Variants in CYGB observed in about 807,000 individuals in gnomAD.
CYGB encodes histoglobin.
CYGB carries 13 observed loss-of-function variants against 20.7 expected under a neutral mutation model. The observed-to-expected ratio is 0.63, with a 90% confidence interval of 0.41 to 1.00. CYGB has a LOEUF of 1.00. Among genes scored for constraint, CYGB ranks in the 50% least tolerant of loss-of-function variants. The pLI, the probability that CYGB is intolerant of heterozygous loss-of-function variation, is 0.00. For missense variants in CYGB, 218 were observed against 257.2 expected (o/e 0.85, Z 1.04); for synonymous variants, 93 against 107.4 (o/e 0.87, Z 0.83).
chr17:76,550,443 G>A (rs1161400020), intron 1 of CYGB: 1 of 151,690 alleles, frequency 6.6e-6, no homozygotes, highest in Non-Finnish European at 1.5e-5. Context: ...TGTATTTTTA[G>A]TAGAGACGGG....
chr17:76,539,547 C>G (rs1479816920), upstream of CYGB, among the ~76,000 whole-genome samples: 2 of 152,170 alleles, frequency 1.3e-5, no homozygotes, highest in African/African-American at 2.4e-5. Context: ...CTTCATTATC[C>G]AATATTCCTC....
rs1194923025 is a variant in CYGB, at chr17:76,528,711, T to A, written c.540-100A>T. 1 of 1,144,910 alleles carries A rather than the reference T, an allele frequency of 8.7e-7. No individual in the cohort carries two copies. Among genetic ancestry groups the A allele is most frequent in the Non-Finnish European group, 1.1e-6 (1 of 894,738 alleles). 70.9% of individuals were successfully genotyped at this position (1,144,910 alleles called of 1,614,324 possible). On this transcript the variant is annotated intron_variant, in intron 3 of 3. Transcript: ENST00000293230. This position sits in a 1 kb window ranked among gnomAD's most constrained non-coding sequence, Gnocchi z 5.8. Reference sequence around the variant, plus strand: ...CCTGGGGCTGGCGAGGCTCACTTCCTGCCAAGAGATCCGGCACAGTGCAGT... The same window carrying A: ...CCTGGGGCTGGCGAGGCTCACTTCCAGCCAAGAGATCCGGCACAGTGCAGT...
In CYGB at chr17:76,531,264, T is replaced by C; in HGVS notation, c.376-122A>G. On this transcript the variant is annotated intron_variant, in intron 2 of 3. Coordinates refer to ENST00000293230, the MANE Select transcript of CYGB (RefSeq NM_134268.5). This position sits in a 1 kb window ranked among gnomAD's most constrained non-coding sequence, Gnocchi z 7.4. ...TCCTAACGCAACAGTCTGGCAGCTT[T>C]GGGAACCCCGTGCTCTCAGGACAAG... The C allele has an allele frequency of 7.9e-7, 1 of 1,267,832 alleles. No homozygotes were observed. Among genetic ancestry groups the C allele is most frequent in the Non-Finnish European group, 1.1e-6 (1 of 917,178 alleles). 78.5% of individuals were successfully genotyped at this position (1,267,832 alleles called of 1,614,324 possible). A position where few individuals can be genotyped will look rare whatever the true frequency, so the allele number is the denominator to read the frequency against.
chr17:76,527,552 CG>C lies in CYGB; in HGVS notation c.*1025del, dbSNP rs138865901. ...GACACACGTGACCAAGGGGCACACA[CG>C]GGGGGCCCCCCTGGCAAGCCTGACG... On this transcript the variant is annotated 3_prime_UTR_variant, in exon 4 of 4. Transcript: ENST00000293230. 2.8e-3 allele frequency: 1,253 copies of C among 443,982 alleles called. 9 individuals carry two copies. The highest frequency in any genetic ancestry group is 0.02 in the African/African-American group (1,009 of 49,790). The allele number at this position is 443,982 out of a possible 1,614,324, so 27.5% of individuals were successfully genotyped here. A position where few individuals can be genotyped will look rare whatever the true frequency, so the allele number is the denominator to read the frequency against.
upstream of CYGB, chr17:76,542,427 C>A: frequency 9.1e-7 from 1 of 1,095,236 alleles, no homozygotes; most frequent in Non-Finnish European, 1.4e-6. Flanking sequence ...CAACTGATTC[C>A]TTAGGTGGTC....
chr17:76,539,110 G>T (rs1054297318), upstream of CYGB, among the ~76,000 whole-genome samples: 2 of 152,074 alleles, frequency 1.3e-5, no homozygotes. Flanking sequence ...AATGCCTCCT[G>T]GGGGTCTTGG....
chr17:76,531,408 A>T lies in CYGB; in HGVS notation c.375+52T>A. 6.4e-7 allele frequency: 1 copy of T among 1,570,780 alleles called. No homozygotes were observed. Among genetic ancestry groups the T allele is most frequent in the Non-Finnish European group, 8.7e-7 (1 of 1,147,928 alleles). The stretch of plus-strand genomic sequence containing the variant: ...CCGTCGCAGAGCCTGCGAGCTGCAG[A>T]TGGCCATGACGCGTGGGCGGTGGGG... On this transcript the variant is annotated intron_variant, in intron 2 of 3. Coordinates refer to ENST00000293230, the MANE Select transcript of CYGB (RefSeq NM_134268.5). The surrounding 1 kb of genome is among the most constrained non-coding windows in gnomAD (Gnocchi z 7.4).
Position 76,530,569 on chromosome 17 carries a change from A to G in CYGB, c.539+410T>C, listed in dbSNP as rs921003827. 6.6e-6 allele frequency among the ~76,000 whole-genome samples: 1 copy of G among 152,090 alleles called. No individual in the cohort carries two copies. The highest frequency in any genetic ancestry group is 1.5e-5 in the Non-Finnish European group (1 of 68,010). ...AGCAGCACTGGTCGGCATGAGATGA[A>G]AAAACAGCCCCTTGTGATTGGCACC... On this transcript the variant is annotated intron_variant, in intron 3 of 3. Coordinates refer to ENST00000293230, the MANE Select transcript of CYGB (RefSeq NM_134268.5). The surrounding 1 kb of genome is among the most constrained non-coding windows in gnomAD (Gnocchi z 6.1).
chr17:76,540,685 C>T (rs2074982112), upstream of CYGB: 3 of 1,070,436 alleles, frequency 2.8e-6, no homozygotes, highest in Admixed American at 1.9e-5. This position sits in a 1 kb window ranked among gnomAD's most constrained non-coding sequence, Gnocchi z 5.0. Context: ...GCACCGTATC[C>T]TGGCCCTTGC....
chr17:76,544,208 T>C (rs1315865028), intron 1 of CYGB: 1 of 454,520 alleles, frequency 2.2e-6, no homozygotes, highest in East Asian at 7.0e-5. Context: ...CGTGCCTCTG[T>C]GCACACGCGT....
In CYGB at chr17:76,546,030, C is replaced by T. The variant is rs1315982379; in HGVS notation, c.-53+4832G>A. On this transcript the variant is annotated intron_variant, in intron 1 of 3. Coordinates refer to the CYGB transcript ENST00000589145. The surrounding 1 kb of genome is among the most constrained non-coding windows in gnomAD (Gnocchi z 4.5). ...TCTGTGCCCAGAACCATGTCCCAAC[C>T]TCCAGTGGTGACCTCGACCTGGACA... The T allele has an allele frequency of 6.5e-6, 1 of 153,396 alleles. No individual in the cohort carries two copies. The highest frequency in any genetic ancestry group is 1.5e-5 in the Non-Finnish European group (1 of 68,894). The allele number at this position is 153,396 out of a possible 1,614,324, so 9.5% of individuals were successfully genotyped here. A position where few individuals can be genotyped will look rare whatever the true frequency, so the allele number is the denominator to read the frequency against.
chr17:76,534,755 C>T (rs1010741009), intron 1 of CYGB, among the ~76,000 whole-genome samples: 2 of 152,190 alleles, frequency 1.3e-5, no homozygotes, highest in African/African-American at 2.4e-5. Flanking sequence ...GCCAGGGGAT[C>T]GTGGCCTGGT....
At chr17:76,545,126 C>T (rs751487523) in intron 1 of CYGB, 18 of 456,414 alleles carry the variant, frequency 3.9e-5, no homozygotes, top group South Asian at 1.7e-4. Context: ...ACACCTTCCC[C>T]GCACACCCAG....
chr17:76,549,955 G>GT (rs1555625615), intron 1 of CYGB: 36 of 150,626 alleles, frequency 2.4e-4, no homozygotes, highest in Admixed American at 1.7e-3. Context: ...TTTTTTGTTT[G>GT]TTTTTTTTTC....
At chr17:76,532,357 C>T (rs993564603) in intron 1 of CYGB, among the ~76,000 whole-genome samples, 2 of 152,222 alleles carry the variant, frequency 1.3e-5, no homozygotes, top group East Asian at 3.9e-4. Context: ...TCAGACATGC[C>T]TTACCTGGAG....
At position 76,543,775 on chromosome 17, in the gene CYGB, C is replaced by A. The variant is rs2278640; in HGVS notation, c.-53+7087G>T. On this transcript the variant is annotated intron_variant, in intron 1 of 3. Transcript: ENST00000589145. ...GGTGTCGGTTTGCCACAGTGGCACT[C>A]GCTTTTGTGTCATTTGCCTTTCCCC... 273 of 470,528 alleles carry A rather than the reference C, an allele frequency of 5.8e-4. No individual in the cohort carries two copies. In the East Asian group the frequency reaches 0.018, roughly 31 times the overall value. The allele number at this position is 470,528 out of a possible 1,614,324, so 29.1% of individuals were successfully genotyped here.
chr17:76,542,467 G>C, upstream of CYGB: 5 of 1,495,742 alleles, frequency 3.3e-6, no homozygotes, highest in Non-Finnish European at 4.7e-6. Flanking sequence ...TGAATTGATA[G>C]GGATGGGAGG....
chr17:76,531,764 T>TC lies in CYGB; in HGVS notation c.144-74_144-73insG. 1.6e-6 allele frequency: 2 copies of TC among 1,267,384 alleles called. No homozygotes were observed. The highest frequency in any genetic ancestry group is 2.2e-6 in the Non-Finnish European group (2 of 903,204). The allele number at this position is 1,267,384 out of a possible 1,614,324, so 78.5% of individuals were successfully genotyped here. Reference sequence around the variant, plus strand: ...GCCCACCCTGAAGCTTCCAGGATAGTGGGGGCTGAAGAAGTGGACCGCAGT... The same window carrying TC: ...GCCCACCCTGAAGCTTCCAGGATAGTCGGGGGCTGAAGAAGTGGACCGCAGT... On this transcript the variant is annotated intron_variant, in intron 1 of 3. Transcript: ENST00000293230. This position sits in a 1 kb window ranked among gnomAD's most constrained non-coding sequence, Gnocchi z 7.4.
At chr17:76,540,259 G>A (rs748914780), upstream of CYGB, 2 of 1,026,566 alleles carry the variant, frequency 1.9e-6, no homozygotes, top group Non-Finnish European at 3.0e-6. The surrounding 1 kb of genome is among the most constrained non-coding windows in gnomAD (Gnocchi z 5.0). Context: ...GTCGGGGGGG[G>A]GGGGCATGGG....
Sources: gnomAD v4.1 joint callset for allele counts (sites outside exome capture counted in the v4.1 genomes callset) on GRCh38, gnomAD v4.1.1 for gene constraint, Gnocchi (gnomAD v3.1) non-coding constraint, MANE v1.5 for transcripts, NCBI Gene and HGNC (gene_info 2026-07-23, HGNC 2026-07-21) for gene names.